Variants in POFUT2 observed in about 807,000 individuals in gnomAD.
POFUT2 encodes protein O-fucosyltransferase 2, also known as GDP-fucose protein O-fucosyltransferase 2.
A neutral mutation model predicts 55.0 loss-of-function variants in POFUT2; 30 were observed. The ratio of observed to expected loss-of-function variants is 0.55; its 90% CI spans 0.41 to 0.74. The LOEUF (loss-of-function observed/expected upper bound fraction) is 0.74. Ranked by LOEUF, POFUT2 falls within the 30% of genes least tolerant of loss-of-function variation. The pLI, the probability that POFUT2 is intolerant of heterozygous loss-of-function variation, is 0.00. For missense variants in POFUT2, 524 were observed against 562.6 expected (o/e 0.93, Z 0.69); for synonymous variants, 267 against 231.1 (o/e 1.16, Z -1.41).
At position 45,265,774 on chromosome 21, in the gene POFUT2, C is replaced by A. The variant is rs746756233; in HGVS notation, c.1137-139G>T. ...AACCAACACGGCCGTCCCCCGAGCA[C>A]CCACCAGCCGGCCGCCCCCTTGCTG... On this transcript the variant is annotated intron_variant, in intron 8 of 8. Coordinates refer to ENST00000349485, the MANE Select transcript of POFUT2 (RefSeq NM_133635.6). The surrounding 1 kb of genome is among the most constrained non-coding windows in gnomAD (Gnocchi z 4.6). 4.2e-6 allele frequency: 6 copies of A among 1,438,426 alleles called. No individual in the cohort carries two copies. The highest frequency in any genetic ancestry group is 4.5e-6 in the Non-Finnish European group (5 of 1,100,568). 89.1% of individuals were successfully genotyped at this position (1,438,426 alleles called of 1,614,324 possible). A position where few individuals can be genotyped will look rare whatever the true frequency, so the allele number is the denominator to read the frequency against.
rs1199631720 is a variant in POFUT2, at chr21:45,282,211, C to G, written c.638+138G>C. ...CAAGCACTTCCCTAACCACCACCCC[C>G]CAGGGCCCCCAGGGTCCGCTGTCTG... On this transcript the variant is annotated intron_variant, in intron 4 of 8. Transcript: ENST00000349485. This position sits in a 1 kb window ranked among gnomAD's most constrained non-coding sequence, Gnocchi z 4.6. The G allele has an allele frequency of 4.7e-6, 3 of 641,114 alleles. No homozygotes were observed. Among genetic ancestry groups the G allele is most frequent in the South Asian group, 1.8e-5 (1 of 55,146 alleles). 39.7% of individuals were successfully genotyped at this position (641,114 alleles called of 1,614,324 possible).
At chr21:45,272,579 A>G (rs941519417) in intron 6 of POFUT2, among the ~76,000 whole-genome samples, 9 of 152,240 alleles carry the variant, frequency 5.9e-5, no homozygotes, top group Non-Finnish European at 1.3e-4. Flanking sequence ...AGAACATTCT[A>G]CGCAACAGCT....
In POFUT2 at chr21:45,287,821, A is replaced by T. The variant is rs2031652293; in HGVS notation, c.51T>A (p.Pro17=). Residue 17 remains proline (P), a synonymous_variant, in exon 1 of 9, where the codon CCT becomes CCA. Transcript: ENST00000349485. The part of the protein sequence containing the change: ...VFLLLGAVSW[P]PASASGQEFW... ...ACTCCTGGCCGGAGGCAGAAGCCGG[A>T]GGCCAGGACACTGCCCCCAGCAGCA... The T allele has an allele frequency of 7.4e-6, 11 of 1,483,618 alleles. No homozygotes were observed. The highest frequency in any genetic ancestry group is 9.9e-6 in the Non-Finnish European group (11 of 1,111,412). The allele number at this position is 1,483,618 out of a possible 1,614,324, so 91.9% of individuals were successfully genotyped here. A position where few individuals can be genotyped will look rare whatever the true frequency, so the allele number is the denominator to read the frequency against.
chr21:45,283,344 G>A, intron 3 of POFUT2, 39 bp downstream of exon 3: 4 of 1,403,816 alleles, frequency 2.8e-6, no homozygotes, highest in Non-Finnish European at 3.8e-6. Context: ...GGGGAGGTGG[G>A]GGGGCACCTG....
chr21:45,265,369 G>A lies in POFUT2; in HGVS notation c.*113C>T. 1 of 971,304 alleles carries A rather than the reference G, an allele frequency of 1.0e-6. No homozygotes were observed. The highest frequency in any genetic ancestry group is 3.4e-4 in the Middle Eastern group (1 of 2,970). The allele number at this position is 971,304 out of a possible 1,614,324, so 60.2% of individuals were successfully genotyped here. On this transcript the variant is annotated 3_prime_UTR_variant, in exon 9 of 9. Transcript: ENST00000349485. This position sits in a 1 kb window ranked among gnomAD's most constrained non-coding sequence, Gnocchi z 4.6. ...TCTTCTGGGCCTGGGACCCTGCGAGGGACGGTCCTGTCCGCCCAGCTCCCG... is the reference window on the plus strand; with the variant it reads ...TCTTCTGGGCCTGGGACCCTGCGAGAGACGGTCCTGTCCGCCCAGCTCCCG...
At chr21:45,269,815 A>G in intron 7 of POFUT2, 24 bp downstream of exon 7, 1 of 1,577,856 alleles carries the variant, frequency 6.3e-7, no homozygotes, top group East Asian at 2.3e-5. Flanking sequence ...AAAGGAAAGA[A>G]ACGAAAGCAT....
chr21:45,278,535 C>A (rs1038624442), intron 4 of POFUT2, among the ~76,000 whole-genome samples: 3 of 152,150 alleles, frequency 2.0e-5, no homozygotes, highest in African/African-American at 7.2e-5. Flanking sequence ...GGAAGGTTTT[C>A]TTTGACAAAA....
Position 45,282,489 on chromosome 21 carries a change from C to T in POFUT2, c.528-30G>A. On this transcript the variant is annotated intron_variant, in intron 3 of 8. Coordinates refer to ENST00000349485, the MANE Select transcript of POFUT2 (RefSeq NM_133635.6). The surrounding 1 kb of genome is among the most constrained non-coding windows in gnomAD (Gnocchi z 4.6). The stretch of plus-strand genomic sequence containing the variant: ...AAAACAAAACCCACAGCAGCTCTAT[C>T]AGTTTATTTTGCTTTCACAAGGAAA... 7.5e-7 allele frequency: 1 copy of T among 1,330,008 alleles called. No individual in the cohort carries two copies. The highest frequency in any genetic ancestry group is 1.1e-6 in the Non-Finnish European group (1 of 923,146). 82.4% of individuals were successfully genotyped at this position (1,330,008 alleles called of 1,614,324 possible). A position where few individuals can be genotyped will look rare whatever the true frequency, so the allele number is the denominator to read the frequency against.
chr21:45,268,774 C>A (rs1477616454), intron 7 of POFUT2, among the ~76,000 whole-genome samples: 1 of 148,718 alleles, frequency 6.7e-6, no homozygotes, highest in Non-Finnish European at 1.5e-5. Flanking sequence ...AAGTGAGGAG[C>A]GTCTCCGCCC....
At chr21:45,274,462 CTAAAATTCA>C (rs1472438561) in intron 6 of POFUT2, among the ~76,000 whole-genome samples, 1 of 152,060 alleles carries the variant, frequency 6.6e-6, no homozygotes, top group Admixed American at 6.6e-5. Context: ...AAACAAAAAC[CTAAAATTCA>C]TATGGAACCA....
At chr21:45,278,216 G>T in intron 4 of POFUT2, 47 bp from the exon 5 acceptor site, 1 of 1,492,420 alleles carries the variant, frequency 6.7e-7, no homozygotes, top group Non-Finnish European at 9.3e-7. Flanking sequence ...AGTTAAGGAT[G>T]ATGACATTCA....
At position 45,267,195 on chromosome 21, in the gene POFUT2, G is replaced by C. The variant is rs145343605; in HGVS notation, c.1136+395C>G. ...ACGAGGGCCCACGCTCCCGGCCTCG[G>C]GGACGCTCACGGATGCTCAACAACA... On this transcript the variant is annotated intron_variant, in intron 8 of 8. Coordinates refer to ENST00000349485, the MANE Select transcript of POFUT2 (RefSeq NM_133635.6). This position sits in a 1 kb window ranked among gnomAD's most constrained non-coding sequence, Gnocchi z 4.4. The C allele has an allele frequency of 2.0e-5, 28 of 1,371,548 alleles. No individual in the cohort carries two copies. The South Asian group carries it at 3.6e-4, about 18-fold the overall frequency. 85.0% of individuals were successfully genotyped at this position (1,371,548 alleles called of 1,614,324 possible).
intron 4 of POFUT2, among the ~76,000 whole-genome samples, chr21:45,280,956 T>C (rs2030562704): frequency 6.6e-6 from 1 of 152,258 alleles, no homozygotes; most frequent in East Asian, 1.9e-4. Flanking sequence ...GTAACTGGCT[T>C]TACCAATCTT....
chr21:45,279,573 G>C lies in POFUT2; in HGVS notation c.639-1404C>G, dbSNP rs779065063. On this transcript the variant is annotated intron_variant, in intron 4 of 8. Transcript: ENST00000349485. Reference sequence around the variant, plus strand: ...GCAAGGATTCCACATTTTGCTACTGGATCCACACAGATGGAAGCTCTCGGC... The same window carrying C: ...GCAAGGATTCCACATTTTGCTACTGCATCCACACAGATGGAAGCTCTCGGC... 2.0e-5 allele frequency among the ~76,000 whole-genome samples: 3 copies of C among 152,160 alleles called. No individual in the cohort carries two copies. The East Asian group carries it at 5.8e-4, about 29-fold the overall frequency.
rs531663103 is a variant in POFUT2, at chr21:45,281,987, G to A, written c.638+362C>T. Among the ~76,000 whole-genome samples the A allele has an allele frequency of 1.6e-4, 24 of 152,294 alleles. No homozygotes were observed. In the East Asian group the frequency reaches 4.1e-3, roughly 26 times the overall value. The stretch of plus-strand genomic sequence containing the variant: ...ACAGATCAAACAGTGGGTGTTGGGT[G>A]TGGGGAGGGGGGAGGTACTGGTAAA... On this transcript the variant is annotated intron_variant, in intron 4 of 8. Coordinates refer to ENST00000349485, the MANE Select transcript of POFUT2 (RefSeq NM_133635.6). This position sits in a 1 kb window ranked among gnomAD's most constrained non-coding sequence, Gnocchi z 5.0.
chr21:45,287,644 C>T (rs1308078755), intron 1 of POFUT2, 97 bp downstream of exon 1: 19 of 1,141,578 alleles, frequency 1.7e-5, no homozygotes, highest in Non-Finnish European at 2.0e-5. Context: ...GACCCCATCC[C>T]ATCTCCCTGG....
In POFUT2 at chr21:45,285,075, C is replaced by T. The variant is rs575564049; in HGVS notation, c.382+603G>A. Reference sequence around the variant, plus strand: ...TAAGAACTCAACAGATGCTGGAAAGCAGGAGCCTGACTCAAAACTAACTCA... The same window carrying T: ...TAAGAACTCAACAGATGCTGGAAAGTAGGAGCCTGACTCAAAACTAACTCA... On this transcript the variant is annotated intron_variant, in intron 2 of 8. Transcript: ENST00000349485. This position sits in a 1 kb window ranked among gnomAD's most constrained non-coding sequence, Gnocchi z 4.9. Among the ~76,000 whole-genome samples, 1 of 152,306 alleles carries T rather than the reference C, an allele frequency of 6.6e-6. No individual in the cohort carries two copies. The highest frequency in any genetic ancestry group is 2.4e-5 in the African/African-American group (1 of 41,556).
chr21:45,281,664 G>A lies in POFUT2; in HGVS notation c.638+685C>T, dbSNP rs2030656109. Among the ~76,000 whole-genome samples, 2 of 152,074 alleles carry A rather than the reference G, an allele frequency of 1.3e-5. No individual in the cohort carries two copies. The highest frequency in any genetic ancestry group is 2.9e-5 in the Non-Finnish European group (2 of 68,020). ...CAAGGCAGCCTCAACGTGGGCAAGT[G>A]CGAGGGGCACCCGTGCCCTGCTATG... On this transcript the variant is annotated intron_variant, in intron 4 of 8. Transcript: ENST00000349485. The surrounding 1 kb of genome is among the most constrained non-coding windows in gnomAD (Gnocchi z 5.0).
chr21:45,279,630 G>A (rs772671260), intron 4 of POFUT2, among the ~76,000 whole-genome samples: 5 of 152,156 alleles, frequency 3.3e-5, no homozygotes, highest in African/African-American at 4.8e-5. Flanking sequence ...AGCCGTGCAC[G>A]GCCACTGCGG....
Sources: allele counts gnomAD v4.1 joint callset (sites outside exome capture counted in the v4.1 genomes callset), GRCh38; gene constraint gnomAD v4.1.1; non-coding constraint Gnocchi (gnomAD v3.1); transcripts MANE v1.5; gene names NCBI Gene and HGNC (gene_info 2026-07-23, HGNC 2026-07-21).